Variants in DSCAM observed in about 807,000 individuals in gnomAD.
The protein encoded by DSCAM is cell adhesion molecule DSCAM.
DSCAM carries 47 observed loss-of-function variants against 217.7 expected under a neutral mutation model. The observed-to-expected ratio is 0.22, with a 90% CI of 0.17 to 0.28. The LOEUF is 0.28. Among genes scored for constraint, DSCAM ranks in the 10% least tolerant of loss-of-function variants. DSCAM has a pLI of 1.00. For missense variants in DSCAM, 2,080 were observed against 2,618.3 expected (o/e 0.79, Z 4.49); for synonymous variants, 1,056 against 1,015.3 (o/e 1.04, Z -0.76).
chr21:40,155,746 G>A (rs2146746041), intron 16 of DSCAM, among the ~76,000 whole-genome samples: 1 of 152,250 alleles, frequency 6.6e-6, no homozygotes, highest in African/African-American at 2.4e-5. Flanking sequence ...GTCGGGCAGG[G>A]GTGGAGCTGA....
At chr21:40,693,082 A>T (rs772891826) in intron 2 of DSCAM, 126 bp from the exon 3 acceptor site, 9 of 1,108,266 alleles carry the variant, frequency 8.1e-6, no homozygotes, top group Non-Finnish European at 1.1e-5. Context: ...TCTGGAAAAC[A>T]GTTAAGATGC....
rs60544021 is a variant in DSCAM, at chr21:40,744,869, T to C, written c.44-36098A>G. Among the ~76,000 whole-genome samples the C allele has an allele frequency of 2.9e-3, 444 of 152,326 alleles. 1 individual carries two copies. The highest frequency in any genetic ancestry group is 0.01 in the African/African-American group (426 of 41,584). The stretch of plus-strand genomic sequence containing the variant: ...TCTGAGAAAGAATTCAGAATAATCC[T>C]CTTTAATTTCAGGGAGTCACAAGAA... On this transcript the variant is annotated intron_variant, in intron 1 of 32. Transcript: ENST00000400454.
intron 3 of DSCAM, among the ~76,000 whole-genome samples, chr21:40,516,888 CATAT>C (rs55695954): frequency 1.3e-4 from 18 of 143,446 alleles, no homozygotes; most frequent in East Asian, 6.1e-4. Context: ...ACACACACAC[CATAT>C]ATATATATAT....
intron 1 of DSCAM, among the ~76,000 whole-genome samples, chr21:40,756,929 G>A (rs4816694): frequency 0.7 from 105,707 of 151,492 alleles, 37,140 homozygotes; most frequent in Admixed American, 0.76. Flanking sequence ...ATTTATCTCT[G>A]GAATATTTAC....
chr21:40,112,741 C>A (rs1362888159), intron 20 of DSCAM, among the ~76,000 whole-genome samples: 2 of 152,126 alleles, frequency 1.3e-5, no homozygotes, highest in East Asian at 3.8e-4. Flanking sequence ...GATATCACCA[C>A]CAATCCCACA....
chr21:40,224,473 C>T (rs1037588098), intron 11 of DSCAM, among the ~76,000 whole-genome samples: 2 of 152,170 alleles, frequency 1.3e-5, no homozygotes, highest in African/African-American at 2.4e-5. Flanking sequence ...TTTCACATTT[C>T]ATCAGAAACA....
chr21:40,262,375 C>T (rs1170135199), intron 11 of DSCAM, among the ~76,000 whole-genome samples: 1 of 144,172 alleles, frequency 6.9e-6, no homozygotes, highest in Non-Finnish European at 1.5e-5. Flanking sequence ...TCCTCACCAG[C>T]ATTAAGGCCC....
chr21:40,645,361 T>C (rs1323679269), intron 3 of DSCAM, among the ~76,000 whole-genome samples: 1 of 152,154 alleles, frequency 6.6e-6, no homozygotes, highest in Non-Finnish European at 1.5e-5. Flanking sequence ...GTATAAATCA[T>C]GAACCAAGAG....
intron 1 of DSCAM, among the ~76,000 whole-genome samples, chr21:40,817,083 ATTC>A (rs1470709024): frequency 1.6e-5 from 2 of 123,530 alleles, no homozygotes; most frequent in Admixed American, 1.9e-4. Context: ...AGTAAATTAG[ATTC>A]TTTTTTTTTT....
intron 11 of DSCAM, among the ~76,000 whole-genome samples, chr21:40,226,035 A>G (rs919308840): frequency 2.6e-5 from 4 of 152,236 alleles, no homozygotes; most frequent in African/African-American, 9.6e-5. Context: ...ACTGCTTTAC[A>G]TGCATTAACT....
intron 20 of DSCAM, among the ~76,000 whole-genome samples, chr21:40,106,471 G>A (rs2089822334): frequency 6.6e-6 from 1 of 152,150 alleles, no homozygotes; most frequent in African/African-American, 2.4e-5. Context: ...GTATCAGGAT[G>A]ATGCTGGCCT....
chr21:40,374,952 ATAT>A (rs1461667714), intron 3 of DSCAM, among the ~76,000 whole-genome samples: 3 of 152,194 alleles, frequency 2.0e-5, no homozygotes, highest in Non-Finnish European at 4.4e-5. Flanking sequence ...GCTGACCAAG[ATAT>A]TATCTTCAGA....
At chr21:40,277,248 G>A (rs972107699) in intron 10 of DSCAM, among the ~76,000 whole-genome samples, 1 of 152,118 alleles carries the variant, frequency 6.6e-6, no homozygotes, top group Non-Finnish European at 1.5e-5. Flanking sequence ...TAGAGAGAAG[G>A]TGCTAGCTTC....
chr21:40,486,219 C>G (rs1394904029), intron 3 of DSCAM, among the ~76,000 whole-genome samples: 2 of 152,206 alleles, frequency 1.3e-5, no homozygotes, highest in Admixed American at 6.5e-5. Flanking sequence ...AATGCATTCA[C>G]CAGGACTTGG....
chr21:40,613,802 AG>A (rs1267554501), intron 3 of DSCAM, among the ~76,000 whole-genome samples: 14 of 151,864 alleles, frequency 9.2e-5, no homozygotes, highest in Non-Finnish European at 1.3e-4. Flanking sequence ...TTAGCAGAGA[AG>A]GAAAAAAAAA....
chr21:40,063,899 G>A (rs1157655491), intron 27 of DSCAM, among the ~76,000 whole-genome samples: 4 of 152,110 alleles, frequency 2.6e-5, no homozygotes, highest in Admixed American at 6.6e-5. Context: ...TCGTTAAGTT[G>A]GCCAGTCCCA....
At chr21:40,610,013 C>A (rs546295092) in intron 3 of DSCAM, among the ~76,000 whole-genome samples, 1 of 152,198 alleles carries the variant, frequency 6.6e-6, no homozygotes, top group African/African-American at 2.4e-5. Flanking sequence ...CATAGGGAGA[C>A]GGACTATTTC....
At chr21:40,479,114 A>G (rs1008566330) in intron 3 of DSCAM, among the ~76,000 whole-genome samples, 2 of 152,206 alleles carry the variant, frequency 1.3e-5, no homozygotes, top group African/African-American at 4.8e-5. Context: ...TAAGTGCTTC[A>G]TTGCAATGAG....
Position 40,062,888 on chromosome 21 carries a change from A to G in DSCAM, c.4900T>C (p.Leu1634=), listed in dbSNP as rs1228317983. The stretch of plus-strand genomic sequence containing the variant: ...TCTTACCTCATGAGCATTTCAGCTA[A>G]ACTCTTTGCATCTGGGGAAAGAAAG... ...RLKRLRDAKS[L]AEMLMSKNTR... is the part of the protein sequence containing the mutation. Residue 1634 remains leucine (L), a synonymous_variant, in exon 28 of 33, where the codon TTA becomes CTA. Coordinates refer to ENST00000400454, the MANE Select transcript of DSCAM (RefSeq NM_001389.5). The G allele has an allele frequency of 6.3e-7, 1 of 1,598,730 alleles. No homozygotes were observed. The highest frequency in any genetic ancestry group is 8.5e-7 in the Non-Finnish European group (1 of 1,175,100).
Sources: allele counts gnomAD v4.1 joint callset (sites outside exome capture counted in the v4.1 genomes callset), GRCh38; gene constraint gnomAD v4.1.1; transcripts MANE v1.5; gene names NCBI Gene and HGNC (gene_info 2026-07-23, HGNC 2026-07-21).